OPCML: variants seen among roughly 807,000 people sequenced by gnomAD.
OPCML encodes opioid binding protein/cell adhesion molecule like.
Under a neutral mutation model 37.8 loss-of-function variants are expected in OPCML, and 13 were observed. That is an observed-to-expected ratio of 0.34 (90% confidence interval 0.22 to 0.55). The LOEUF (loss-of-function observed/expected upper bound fraction) is 0.55, where lower values mean the gene tolerates loss of function less well. Among genes scored for constraint, OPCML ranks in the 20% least tolerant of loss-of-function variants. The pLI is 0.91. For missense variants in OPCML, 341 were observed against 435.6 expected (o/e 0.78, Z 1.93); for synonymous variants, 176 against 168.8 (o/e 1.04, Z -0.33).
intron 1 of OPCML, among the ~76,000 whole-genome samples, chr11:133,184,323 AGAG>A (rs1937974101): frequency 6.6e-6 from 1 of 152,242 alleles, no homozygotes; most frequent in Non-Finnish European, 1.5e-5. Context: ...CACGTGCAGA[AGAG>A]GAGGAGTTTA....
At chr11:133,458,424 A>T (rs555297327) in intron 1 of OPCML, among the ~76,000 whole-genome samples, 1 of 101,012 alleles carries the variant, frequency 9.9e-6, no homozygotes, top group Non-Finnish European at 2.0e-5. Flanking sequence ...GTGTATATAT[A>T]TACACATATA....
intron 3 of OPCML, among the ~76,000 whole-genome samples, chr11:132,650,786 G>A (rs377573515): frequency 9.2e-5 from 14 of 152,262 alleles, no homozygotes; most frequent in African/African-American, 3.1e-4. Flanking sequence ...GGCCTGTCCT[G>A]TTGTTTTCCA....
At chr11:132,517,185 G>C (rs1428011662) in intron 4 of OPCML, among the ~76,000 whole-genome samples, 1 of 152,158 alleles carries the variant, frequency 6.6e-6, no homozygotes, top group Non-Finnish European at 1.5e-5. Context: ...TTTAATCAGA[G>C]CTACTTTGGC....
intron 1 of OPCML, among the ~76,000 whole-genome samples, chr11:133,343,946 G>T (rs1157651445): frequency 6.6e-6 from 1 of 152,200 alleles, no homozygotes; most frequent in East Asian, 1.9e-4. Flanking sequence ...CAAAGTCCCT[G>T]CAGTTTTCTC....
At chr11:133,528,433 C>G (rs1221572147) in intron 1 of OPCML, among the ~76,000 whole-genome samples, 1 of 152,178 alleles carries the variant, frequency 6.6e-6, no homozygotes, top group Non-Finnish European at 1.5e-5. Context: ...CGCGTGGATT[C>G]CCCCACTAGA....
At chr11:133,153,113 A>T (rs1248343184) in intron 1 of OPCML, among the ~76,000 whole-genome samples, 1 of 152,042 alleles carries the variant, frequency 6.6e-6, no homozygotes, top group Non-Finnish European at 1.5e-5. Context: ...TGGCATCTGG[A>T]TCAGGACTGA....
chr11:133,231,309 A>G (rs888114167), intron 1 of OPCML, among the ~76,000 whole-genome samples: 1 of 152,082 alleles, frequency 6.6e-6, no homozygotes, highest in Non-Finnish European at 1.5e-5. Flanking sequence ...CAGCATGGGG[A>G]AAAGAATGGC....
At chr11:133,009,719 G>A (rs766291376) in intron 1 of OPCML, among the ~76,000 whole-genome samples, 8 of 152,176 alleles carry the variant, frequency 5.3e-5, no homozygotes, top group African/African-American at 1.2e-4. Flanking sequence ...CCTCACATGC[G>A]TAATTCACAG....
At chr11:133,465,508 G>A (rs1946954830) in intron 1 of OPCML, among the ~76,000 whole-genome samples, 1 of 152,192 alleles carries the variant, frequency 6.6e-6, no homozygotes, top group African/African-American at 2.4e-5. Flanking sequence ...CTGAGCATCA[G>A]CTGCGTGCTA....
chr11:133,298,147 A>C (rs995271119), intron 1 of OPCML: 1 of 152,114 alleles, frequency 6.6e-6, no homozygotes, highest in Non-Finnish European at 1.5e-5. Context: ...GCTCAAAATC[A>C]CACTCATGTC....
chr11:132,684,158 C>T (rs1480691688), intron 2 of OPCML, among the ~76,000 whole-genome samples: 1 of 152,008 alleles, frequency 6.6e-6, no homozygotes, highest in African/African-American at 2.4e-5. Flanking sequence ...CTTGACATAC[C>T]TCTCCTTAAT....
At chr11:132,843,107 T>A (rs1387449927) in intron 2 of OPCML, among the ~76,000 whole-genome samples, 1 of 142,024 alleles carries the variant, frequency 7.0e-6, no homozygotes, top group South Asian at 2.3e-4. Context: ...TTTTTTTTTT[T>A]GAGATGGAAT....
At chr11:132,591,621 C>T (rs2096484584) in intron 3 of OPCML, among the ~76,000 whole-genome samples, 1 of 152,198 alleles carries the variant, frequency 6.6e-6, no homozygotes, top group Non-Finnish European at 1.5e-5. Flanking sequence ...CAAGCGAGTT[C>T]ATCTCTCTTT....
chr11:133,287,280 T>C (rs1186975139), intron 1 of OPCML, among the ~76,000 whole-genome samples: 3 of 147,760 alleles, frequency 2.0e-5, no homozygotes, highest in Admixed American at 6.7e-5. Flanking sequence ...TCTTTCTTTT[T>C]TTTTTTTTTT....
chr11:132,538,247 T>G (rs2096346169), intron 3 of OPCML, among the ~76,000 whole-genome samples: 1 of 152,214 alleles, frequency 6.6e-6, no homozygotes, highest in Admixed American at 6.5e-5. Flanking sequence ...AACAAAGTAC[T>G]GATATATGAC....
chr11:133,002,419 A>G (rs1042729193), intron 1 of OPCML, among the ~76,000 whole-genome samples: 7 of 152,162 alleles, frequency 4.6e-5, no homozygotes, highest in African/African-American at 9.6e-5. Flanking sequence ...TGTATTCATA[A>G]AGATCTGTGT....
chr11:133,400,558 G>T (rs1033367820), intron 1 of OPCML, among the ~76,000 whole-genome samples: 1 of 152,148 alleles, frequency 6.6e-6, no homozygotes, highest in Non-Finnish European at 1.5e-5. Flanking sequence ...GGTGATAATG[G>T]TTGTACAATG....
chr11:132,993,794 C>T (rs952042820), intron 1 of OPCML, among the ~76,000 whole-genome samples: 5 of 152,180 alleles, frequency 3.3e-5, no homozygotes, highest in African/African-American at 1.2e-4. Flanking sequence ...CATTTCTAGA[C>T]ATTGACAGGC....
intron 2 of OPCML, among the ~76,000 whole-genome samples, chr11:132,895,200 A>T (rs1943793237): frequency 1.3e-5 from 2 of 152,218 alleles, no homozygotes; most frequent in South Asian, 4.1e-4. Flanking sequence ...AAATAGGTAC[A>T]TTTGGTACTT....
Sources: allele counts gnomAD v4.1 joint callset (sites outside exome capture counted in the v4.1 genomes callset), GRCh38; gene constraint gnomAD v4.1.1; transcripts MANE v1.5; gene names NCBI Gene and HGNC (gene_info 2026-07-23, HGNC 2026-07-21).